Variants in CADM2 observed in about 807,000 individuals in gnomAD.
The protein encoded by CADM2 is cell adhesion molecule 2, also known as immunoglobulin superfamily member 4D.
In CADM2, 12 loss-of-function variants were observed where a neutral mutation model predicts 49.8. That is an observed-to-expected ratio of 0.24 (90% CI 0.15 to 0.39). The LOEUF is 0.39. Among genes scored for constraint, CADM2 ranks in the 10% least tolerant of loss-of-function variants. The probability of loss-of-function intolerance (pLI) is 1.00; values close to 1 mark genes in which losing one functional copy is unlikely to be tolerated. For synonymous variants in CADM2, 214 were observed against 175.4 expected, an observed-to-expected ratio of 1.22 and a Z score of -1.74; for missense variants, 378 against 492.3, an observed-to-expected ratio of 0.77 and a Z score of 2.20.
intron 7 of CADM2, among the ~76,000 whole-genome samples, chr3:85,946,930 G>T (rs1347269041): frequency 6.6e-6 from 1 of 152,070 alleles, no homozygotes; most frequent in Non-Finnish European, 1.5e-5. Flanking sequence ...AGCAGCAAAA[G>T]CCAAAATTGA....
intron 1 of CADM2, among the ~76,000 whole-genome samples, chr3:85,533,550 T>G (rs548409126): frequency 6.6e-6 from 1 of 152,282 alleles, no homozygotes; most frequent in African/African-American, 2.4e-5. Flanking sequence ...AAATGGCAAG[T>G]GTCATTAAGA....
chr3:85,433,550 A>G (rs1248524008), intron 1 of CADM2, among the ~76,000 whole-genome samples: 1 of 152,118 alleles, frequency 6.6e-6, no homozygotes, highest in Admixed American at 6.6e-5. Flanking sequence ...GCATTGGAGA[A>G]GTAGGGGTTA....
At chr3:85,446,560 A>C (rs2037459553) in intron 1 of CADM2, among the ~76,000 whole-genome samples, 1 of 151,138 alleles carries the variant, frequency 6.6e-6, no homozygotes, top group African/African-American at 2.4e-5. Flanking sequence ...AAGGATTATT[A>C]TAATATTTTA....
intron 8 of CADM2, among the ~76,000 whole-genome samples, chr3:86,025,642 T>C (rs1733821527): frequency 6.6e-6 from 1 of 152,170 alleles, no homozygotes; most frequent in Non-Finnish European, 1.5e-5. Context: ...GATAAGCTGC[T>C]TATTAGGAGA....
intron 1 of CADM2, among the ~76,000 whole-genome samples, chr3:85,470,009 G>A (rs1222966526): frequency 3.3e-5 from 5 of 152,142 alleles, no homozygotes; most frequent in Admixed American, 3.3e-4. Flanking sequence ...TAGGAATTCA[G>A]CTGAGATGCT....
chr3:85,988,025 G>A (rs976203888), intron 8 of CADM2, among the ~76,000 whole-genome samples: 2 of 152,012 alleles, frequency 1.3e-5, no homozygotes, highest in Non-Finnish European at 2.9e-5. Context: ...GTGAAACACC[G>A]AATTGATACT....
intron 8 of CADM2, among the ~76,000 whole-genome samples, chr3:86,016,442 G>A (rs1732244423): frequency 2.6e-5 from 4 of 152,058 alleles, no homozygotes; most frequent in African/African-American, 9.7e-5. Context: ...AAATTATTTT[G>A]AGTTAAAGGT....
intron 1 of CADM2, among the ~76,000 whole-genome samples, chr3:85,627,825 T>TG (rs1261135561): frequency 1.3e-5 from 2 of 152,062 alleles, no homozygotes; most frequent in Non-Finnish European, 2.9e-5. Flanking sequence ...TTAAAGTTTT[T>TG]ATTGAAGATA....
chr3:85,018,035 A>T (rs1013395924), intron 1 of CADM2, among the ~76,000 whole-genome samples: 2 of 152,164 alleles, frequency 1.3e-5, no homozygotes, highest in African/African-American at 2.4e-5. Context: ...AGTTTTTTCA[A>T]TTCCTAGTAA....
At chr3:86,020,919 A>G (rs1275612843) in intron 8 of CADM2, among the ~76,000 whole-genome samples, 1 of 152,130 alleles carries the variant, frequency 6.6e-6, no homozygotes, top group Admixed American at 6.5e-5. Context: ...TCCCTTTGAA[A>G]ACTGGCACAA....
chr3:85,134,378 G>C (rs575902839), intron 1 of CADM2, among the ~76,000 whole-genome samples: 11 of 152,348 alleles, frequency 7.2e-5, no homozygotes, highest in Admixed American at 2.0e-4. Context: ...AGGAGGCGCC[G>C]AGAGCGAGCG....
At chr3:85,299,152 T>A (rs1346312025) in intron 1 of CADM2, among the ~76,000 whole-genome samples, 2 of 152,104 alleles carry the variant, frequency 1.3e-5, no homozygotes, top group African/African-American at 4.8e-5. Flanking sequence ...AAAAATCATT[T>A]AAAAAACTTG....
chr3:85,840,755 C>T (rs898954101), intron 3 of CADM2, among the ~76,000 whole-genome samples: 4 of 151,648 alleles, frequency 2.6e-5, no homozygotes, highest in Non-Finnish European at 4.4e-5. Flanking sequence ...TTTTAACATG[C>T]AAGATATATT....
chr3:85,397,137 C>T (rs2034832082), intron 1 of CADM2, among the ~76,000 whole-genome samples: 2 of 151,868 alleles, frequency 1.3e-5, no homozygotes, highest in Admixed American at 1.3e-4. Flanking sequence ...AACAAGTGGC[C>T]AGTAAACACA....
intron 1 of CADM2, among the ~76,000 whole-genome samples, chr3:85,595,522 C>T (rs1405246583): frequency 2.0e-5 from 3 of 151,892 alleles, no homozygotes; most frequent in African/African-American, 2.4e-5. Flanking sequence ...AGTCATTCTT[C>T]GTAATATAAC....
At chr3:85,221,521 A>G (rs762847477) in intron 1 of CADM2, among the ~76,000 whole-genome samples, 3 of 152,192 alleles carry the variant, frequency 2.0e-5, no homozygotes, top group Non-Finnish European at 4.4e-5. Flanking sequence ...ACAAAAAATT[A>G]GGTGAGCTAA....
chr3:85,970,327 C>T (rs1725964505), intron 8 of CADM2, among the ~76,000 whole-genome samples: 1 of 151,358 alleles, frequency 6.6e-6, no homozygotes, highest in South Asian at 2.1e-4. Flanking sequence ...GACCTGGCTG[C>T]TCGTGAGAGC....
At chr3:85,753,954 T>G (rs563483097) in intron 2 of CADM2, among the ~76,000 whole-genome samples, 1 of 152,112 alleles carries the variant, frequency 6.6e-6, no homozygotes, top group Non-Finnish European at 1.5e-5. Context: ...GACCTTTGAC[T>G]TGGGGTTTTA....
chr3:85,802,955 T>A (rs2072146757), intron 3 of CADM2, among the ~76,000 whole-genome samples: 1 of 151,998 alleles, frequency 6.6e-6, no homozygotes, highest in South Asian at 2.1e-4. Flanking sequence ...AATAACTATT[T>A]ATATATTAGC....
Sources: allele counts gnomAD v4.1 joint callset (sites outside exome capture counted in the v4.1 genomes callset), GRCh38; gene constraint gnomAD v4.1.1; transcripts MANE v1.5; gene names NCBI Gene and HGNC (gene_info 2026-07-23, HGNC 2026-07-21).